GOLM2: variants seen among roughly 807,000 people sequenced by gnomAD.
The protein encoded by GOLM2 is protein GOLM2.
GOLM2 carries 26 observed loss-of-function variants against 55.9 expected under a neutral mutation model. That is an observed-to-expected ratio of 0.47 (90% CI 0.34 to 0.65). GOLM2 has a LOEUF of 0.65. Ranked by LOEUF, GOLM2 falls within the 30% of genes least tolerant of loss-of-function variation. The probability of loss-of-function intolerance (pLI) is 0.01; values close to 1 mark genes in which losing one functional copy is unlikely to be tolerated. For missense variants in GOLM2, 486 were observed against 531.8 expected (o/e 0.91, Z 0.85); for synonymous variants, 165 against 194.6 (o/e 0.85, Z 1.27).
chr15:44,322,520 A>G lies in GOLM2; in HGVS notation c.328-445A>G, dbSNP rs145046899. On this transcript the variant is annotated intron_variant, in intron 1 of 9. Transcript: ENST00000299957. ...TTAGAACAAACTTGTCTAAAGCAATAACTGAGACAGAGTGGTTAGTTCCCT... is the reference window on the plus strand; with the variant it reads ...TTAGAACAAACTTGTCTAAAGCAATGACTGAGACAGAGTGGTTAGTTCCCT... Among the ~76,000 whole-genome samples, 4 of 152,316 alleles carry G rather than the reference A, an allele frequency of 2.6e-5. No individual in the cohort carries two copies. The East Asian group carries it at 7.7e-4, about 29-fold the overall frequency.
chr15:44,293,158 C>G (rs2078733126), intron 1 of GOLM2, among the ~76,000 whole-genome samples: 1 of 151,850 alleles, frequency 6.6e-6, no homozygotes, highest in African/African-American at 2.4e-5. Flanking sequence ...ATCTGGAAAA[C>G]TAAACAAGTG....
intron 8 of GOLM2, among the ~76,000 whole-genome samples, chr15:44,386,364 A>C (rs2079443888): frequency 6.6e-6 from 1 of 152,192 alleles, no homozygotes; most frequent in Non-Finnish European, 1.5e-5. Context: ...TTTATTTCTG[A>C]ATTATAAGTT....
chr15:44,349,959 C>A (rs1225194371), intron 6 of GOLM2, among the ~76,000 whole-genome samples: 1 of 152,034 alleles, frequency 6.6e-6, no homozygotes, highest in Non-Finnish European at 1.5e-5. Context: ...AATGGAAACA[C>A]AATATACCAA....
intron 6 of GOLM2, among the ~76,000 whole-genome samples, chr15:44,365,798 G>A (rs1284278905): frequency 6.6e-6 from 1 of 152,136 alleles, no homozygotes; most frequent in Non-Finnish European, 1.5e-5. Context: ...CCCATAGAAT[G>A]TACAACACCA....
chr15:44,407,617 ATTT>A (rs1194069489), intron 9 of GOLM2, among the ~76,000 whole-genome samples: 24 of 150,610 alleles, frequency 1.6e-4, no homozygotes, highest in Non-Finnish European at 3.0e-5. Flanking sequence ...TTTTTTTTAA[ATTT>A]TTTTTATTTT....
At chr15:44,317,106 A>G (rs1567023908) in intron 1 of GOLM2, among the ~76,000 whole-genome samples, 1 of 152,220 alleles carries the variant, frequency 6.6e-6, no homozygotes, top group Admixed American at 6.5e-5. Context: ...ATATTTAAGA[A>G]GAGCATACCT....
intron 6 of GOLM2, among the ~76,000 whole-genome samples, chr15:44,376,806 A>G (rs1311690706): frequency 6.6e-6 from 1 of 150,802 alleles, no homozygotes; most frequent in Non-Finnish European, 1.5e-5. Context: ...GGTATATAGT[A>G]GGTGTGGGGC....
In GOLM2 at chr15:44,318,489, G is replaced by A. The variant is rs150431126; in HGVS notation, c.328-4476G>A. Reference sequence around the variant, plus strand: ...TTTGGGAGGCCGAGGTGGGTGGATCGCCTGAAGTCAGGAGTTTGAGACCAG... The same window carrying A: ...TTTGGGAGGCCGAGGTGGGTGGATCACCTGAAGTCAGGAGTTTGAGACCAG... On this transcript the variant is annotated intron_variant, in intron 1 of 9. Coordinates refer to ENST00000299957, the MANE Select transcript of GOLM2 (RefSeq NM_138423.4). 5.8e-3 allele frequency among the ~76,000 whole-genome samples: 886 copies of A among 152,276 alleles called. 13 individuals are homozygous for A. The highest frequency in any genetic ancestry group is 0.02 in the African/African-American group (840 of 41,568).
chr15:44,292,425 T>C (rs950575545), intron 1 of GOLM2, among the ~76,000 whole-genome samples: 13 of 152,124 alleles, frequency 8.5e-5, no homozygotes, highest in African/African-American at 3.1e-4. Flanking sequence ...CTCGATCTCC[T>C]GACCTCGTGA....
chr15:44,363,230 A>G (rs1201660133), intron 6 of GOLM2, among the ~76,000 whole-genome samples: 2 of 152,230 alleles, frequency 1.3e-5, no homozygotes, highest in African/African-American at 4.8e-5. Flanking sequence ...GCACAGCAAA[A>G]GAAACTACCA....
intron 1 of GOLM2, among the ~76,000 whole-genome samples, chr15:44,317,911 A>G (rs920647747): frequency 5.3e-5 from 8 of 152,196 alleles, no homozygotes; most frequent in Non-Finnish European, 1.2e-4. Context: ...TTACGCCTGT[A>G]TATAATCAAT....
intron 8 of GOLM2, among the ~76,000 whole-genome samples, chr15:44,396,799 T>C (rs1331551941): frequency 6.6e-6 from 1 of 152,210 alleles, no homozygotes; most frequent in Non-Finnish European, 1.5e-5. Flanking sequence ...TAATAGACTT[T>C]AGCTCACTTA....
intron 6 of GOLM2, among the ~76,000 whole-genome samples, chr15:44,356,681 T>C (rs771338279): frequency 7.9e-5 from 12 of 152,226 alleles, no homozygotes; most frequent in Admixed American, 3.3e-4. Flanking sequence ...TTTCAGAAGA[T>C]AGAAGCAGAG....
intron 6 of GOLM2, among the ~76,000 whole-genome samples, chr15:44,376,002 C>T (rs917987352): frequency 4.6e-5 from 7 of 151,964 alleles, no homozygotes; most frequent in African/African-American, 1.2e-4. Flanking sequence ...TTTGGGAGGC[C>T]GAGGTGGGCG....
At chr15:44,379,854 G>A (rs2079390743) in intron 7 of GOLM2, 66 bp downstream of exon 7, 4 of 861,132 alleles carry the variant, frequency 4.6e-6, no homozygotes, top group Non-Finnish European at 7.5e-6. Context: ...GTTATATAGT[G>A]TATAAAATAT....
At chr15:44,368,404 G>A (rs2079301176) in intron 6 of GOLM2, among the ~76,000 whole-genome samples, 2 of 150,494 alleles carry the variant, frequency 1.3e-5, no homozygotes, top group African/African-American at 4.9e-5. Flanking sequence ...CACCATGCTC[G>A]GCCGAGTTAC....
At chr15:44,375,774 T>A (rs1022909641) in intron 6 of GOLM2, among the ~76,000 whole-genome samples, 43 of 152,186 alleles carry the variant, frequency 2.8e-4, no homozygotes, top group African/African-American at 1.0e-3. Context: ...CAGCAAGACT[T>A]CTCAAAAAAA....
chr15:44,395,994 A>G (rs1401809813), intron 8 of GOLM2, among the ~76,000 whole-genome samples: 1 of 152,182 alleles, frequency 6.6e-6, no homozygotes, highest in Non-Finnish European at 1.5e-5. Flanking sequence ...ATATACAAAC[A>G]TACATGTATA....
At chr15:44,353,927 G>A (rs140083179) in intron 6 of GOLM2, among the ~76,000 whole-genome samples, 2 of 152,070 alleles carry the variant, frequency 1.3e-5, no homozygotes, top group Non-Finnish European at 2.9e-5. Context: ...ACCTGAAAGA[G>A]TATAATTGGG....
Sources: gnomAD v4.1 joint callset for allele counts (sites outside exome capture counted in the v4.1 genomes callset) on GRCh38, gnomAD v4.1.1 for gene constraint, MANE v1.5 for transcripts, NCBI Gene and HGNC (gene_info 2026-07-23, HGNC 2026-07-21) for gene names.